Variants in DLEU7 observed in about 807,000 individuals in gnomAD.
DLEU7 encodes leukemia-associated protein 7.
DLEU7 carries 17 observed loss-of-function variants against 16.0 expected under a neutral mutation model. That is an observed-to-expected ratio of 1.06 (90% CI 0.73 to 1.59). The LOEUF is 1.59. Ranked by LOEUF, DLEU7 falls within the 40% of genes most tolerant of loss-of-function variation. The pLI is 0.00. For missense variants in DLEU7, 308 were observed against 314.9 expected (o/e 0.98, Z 0.17); for synonymous variants, 113 against 139.8 (o/e 0.81, Z 1.35).
chr13:50,750,077 T>G (rs1246980079), intron 1 of DLEU7, among the ~76,000 whole-genome samples: 1 of 152,244 alleles, frequency 6.6e-6, no homozygotes, highest in Non-Finnish European at 1.5e-5. Context: ...GGTCTTAGAT[T>G]TAAGTCCTTA....
At chr13:50,773,628 G>A (rs181393320) in intron 1 of DLEU7, among the ~76,000 whole-genome samples, 1 of 147,202 alleles carries the variant, frequency 6.8e-6, no homozygotes, top group Non-Finnish European at 1.5e-5. Flanking sequence ...ATTGCTGCCT[G>A]ATCCTTCCTC....
intron 1 of DLEU7, among the ~76,000 whole-genome samples, chr13:50,810,185 GAAAAAA>G (rs5803535): frequency 7.7e-6 from 1 of 129,990 alleles, no homozygotes; most frequent in African/African-American, 2.8e-5. Flanking sequence ...AGAAATTCTG[GAAAAAA>G]AAAAAAAAAA....
In DLEU7 at chr13:50,749,504, C is replaced by G. The variant is rs186663146; in HGVS notation, c.460-36264G>C. On this transcript the variant is annotated intron_variant, in intron 1 of 1. Coordinates refer to the DLEU7 transcript ENST00000400393. ...AAGTTCTACTTTTACTTCTTTAAGG[C>G]ATCTCCACACTGTTTTCCATAGTGG... Among the ~76,000 whole-genome samples, 348 of 152,270 alleles carry G rather than the reference C, an allele frequency of 2.3e-3. 1 individual carries two copies. The highest frequency in any genetic ancestry group is 8.0e-3 in the African/African-American group (334 of 41,552).
intron 1 of DLEU7, among the ~76,000 whole-genome samples, chr13:50,718,560 G>A (rs1289126575): frequency 1.3e-5 from 2 of 152,134 alleles, no homozygotes; most frequent in East Asian, 1.9e-4. Context: ...TTTTCTTCAC[G>A]GGATTGCATG....
downstream of DLEU7, chr13:50,822,790 T>C (rs1876953793): frequency 2.0e-6 from 2 of 985,804 alleles, no homozygotes; most frequent in Non-Finnish European, 2.4e-6. Flanking sequence ...AATGTCAGGA[T>C]TGAAGCTCAT....
intron 1 of DLEU7, among the ~76,000 whole-genome samples, chr13:50,808,206 C>T (rs911236597): frequency 2.6e-5 from 4 of 152,190 alleles, no homozygotes; most frequent in Non-Finnish European, 5.9e-5. Flanking sequence ...AAATAAGCAG[C>T]TTCCATTCTT....
At chr13:50,797,900 A>T (rs1165659142) in intron 1 of DLEU7, among the ~76,000 whole-genome samples, 2 of 152,234 alleles carry the variant, frequency 1.3e-5, no homozygotes, top group Admixed American at 1.3e-4. Context: ...CCCTATTGTT[A>T]GGAACATTCT....
chr13:50,789,919 CTCTTTCTT>C (rs67993003), intron 1 of DLEU7, among the ~76,000 whole-genome samples: 230 of 144,302 alleles, frequency 1.6e-3, no homozygotes, highest in East Asian at 8.1e-3. Context: ...CACCTTTTTT[CTCTTTCTT>C]TCTTTCTTTC....
chr13:50,792,464 C>G (rs1281690402), intron 1 of DLEU7, among the ~76,000 whole-genome samples: 4 of 152,152 alleles, frequency 2.6e-5, no homozygotes, highest in Non-Finnish European at 5.9e-5. Context: ...ATGTCCAGCA[C>G]CCCAGCACGA....
At chr13:50,755,891 T>C (rs1566240127) in intron 1 of DLEU7, among the ~76,000 whole-genome samples, 2 of 152,226 alleles carry the variant, frequency 1.3e-5, no homozygotes, top group African/African-American at 2.4e-5. Flanking sequence ...CAGATTCTTT[T>C]GTCCCATGGG....
intron 1 of DLEU7, among the ~76,000 whole-genome samples, chr13:50,714,438 C>T (rs1267702591): frequency 6.6e-6 from 1 of 152,120 alleles, no homozygotes; most frequent in African/African-American, 2.4e-5. Flanking sequence ...TCTGTGAATA[C>T]CTTTAAGTAA....
intron 1 of DLEU7, among the ~76,000 whole-genome samples, chr13:50,841,759 C>T (rs1349704685): frequency 6.6e-6 from 1 of 150,626 alleles, no homozygotes; most frequent in Non-Finnish European, 1.5e-5. Flanking sequence ...AAAAAAAATC[C>T]CTTAAATTAG....
chr13:50,824,670 A>G (rs1213142559), intron 1 of DLEU7, among the ~76,000 whole-genome samples: 1 of 152,124 alleles, frequency 6.6e-6, no homozygotes, highest in Non-Finnish European at 1.5e-5. Flanking sequence ...CTTTGGAATT[A>G]CCCTCTGTAC....
intron 1 of DLEU7, among the ~76,000 whole-genome samples, chr13:50,837,691 G>A (rs561982214): frequency 1.3e-5 from 2 of 152,270 alleles, no homozygotes; most frequent in Admixed American, 6.5e-5. Context: ...TGCAGAAGCT[G>A]GCTTCACTTG....
intron 1 of DLEU7, among the ~76,000 whole-genome samples, chr13:50,791,704 G>A (rs1875963914): frequency 6.6e-6 from 1 of 151,982 alleles, no homozygotes; most frequent in African/African-American, 2.4e-5. Context: ...AATACAAATT[G>A]GCCTGAATGT....
intron 1 of DLEU7, among the ~76,000 whole-genome samples, chr13:50,807,657 C>CTTTCT (rs1465399313): frequency 2.0e-5 from 3 of 152,026 alleles, no homozygotes; most frequent in African/African-American, 7.3e-5. Context: ...GAGGGAAAAT[C>CTTTCT]TGTTTCAGTA....
chr13:50,721,390 A>T (rs1445530303), intron 1 of DLEU7, among the ~76,000 whole-genome samples: 2 of 152,112 alleles, frequency 1.3e-5, no homozygotes, highest in Admixed American at 1.3e-4. Context: ...CGTGTGAGTC[A>T]ATTCTCCTTA....
chr13:50,810,170 G>A (rs1214752121), intron 1 of DLEU7, among the ~76,000 whole-genome samples: 4 of 138,502 alleles, frequency 2.9e-5, no homozygotes, highest in Non-Finnish European at 4.6e-5. Context: ...TATACTTTCC[G>A]GAAAAGAAAT....
chr13:50,728,287 A>G (rs1258510877), intron 1 of DLEU7, among the ~76,000 whole-genome samples: 1 of 152,212 alleles, frequency 6.6e-6, no homozygotes, highest in East Asian at 1.9e-4. Context: ...TAAGAAATAT[A>G]ATAGACTAAC....
Sources: gnomAD v4.1 joint callset for allele counts (sites outside exome capture counted in the v4.1 genomes callset) on GRCh38, gnomAD v4.1.1 for gene constraint, MANE v1.5 for transcripts, NCBI Gene and HGNC (gene_info 2026-07-23, HGNC 2026-07-21) for gene names.